Variants in UNC80 observed in about 807,000 individuals in gnomAD.
UNC80 encodes protein unc-80 homolog.
UNC80 carries 164 observed loss-of-function variants against 384.6 expected under a neutral mutation model. The ratio of observed to expected loss-of-function variants is 0.43; its 90% CI spans 0.38 to 0.49. The LOEUF (loss-of-function observed/expected upper bound fraction) is 0.49. UNC80 is among the 20% of genes least tolerant of loss of function. The pLI is 0.00. For missense variants in UNC80, 3,330 were observed against 4,143.0 expected, an observed-to-expected ratio of 0.80 and a Z score of 5.39; for synonymous variants, 1,486 against 1,527.8, an observed-to-expected ratio of 0.97 and a Z score of 0.64.
intron 5 of UNC80, 51 bp downstream of exon 5, chr2:209,786,240 A>G: frequency 6.3e-7 from 1 of 1,578,966 alleles, no homozygotes; most frequent in African/African-American, 1.4e-5. Flanking sequence ...TCCCTCACAC[A>G]CAGTAGTTAG....
At chr2:209,817,181 G>C (rs917671250) in intron 10 of UNC80, 56 bp downstream of exon 10, 1 of 1,479,426 alleles carries the variant, frequency 6.8e-7, no homozygotes, top group Non-Finnish European at 9.2e-7. Flanking sequence ...TTTAGAACTG[G>C]ATCTAGGGCT....
chr2:209,945,617 T>C (rs2091877997), intron 46 of UNC80, among the ~76,000 whole-genome samples: 1 of 152,212 alleles, frequency 6.6e-6, no homozygotes, highest in Admixed American at 6.5e-5. Flanking sequence ...TGAGATTTTT[T>C]TAAACACTCC....
intron 53 of UNC80, 101 bp downstream of exon 53, chr2:209,969,992 A>G: frequency 2.8e-6 from 4 of 1,436,662 alleles, no homozygotes; most frequent in East Asian, 2.5e-5. Flanking sequence ...TTGTGCCCCT[A>G]TCTGCCCATG....
chr2:209,812,726 G>T (rs543827401), intron 7 of UNC80, among the ~76,000 whole-genome samples: 17 of 152,266 alleles, frequency 1.1e-4, no homozygotes, highest in African/African-American at 3.6e-4. Flanking sequence ...CATGTTCAAG[G>T]TGAGAAAGTT....
At chr2:209,965,007 T>C (rs1027431079) in intron 51 of UNC80, among the ~76,000 whole-genome samples, 1 of 152,208 alleles carries the variant, frequency 6.6e-6, no homozygotes, top group Non-Finnish European at 1.5e-5. Flanking sequence ...CTGTGTTGTG[T>C]TTAATTTTTC....
At position 209,839,554 on chromosome 2, in the gene UNC80, C is replaced by T; in HGVS notation, c.3250+124C>T. 1.1e-6 allele frequency: 1 copy of T among 923,294 alleles called. No individual in the cohort carries two copies. Among genetic ancestry groups the T allele is most frequent in the Non-Finnish European group, 1.6e-6 (1 of 617,382 alleles). 57.2% of individuals were successfully genotyped at this position (923,294 alleles called of 1,614,324 possible). A position where few individuals can be genotyped will look rare whatever the true frequency, so the allele number is the denominator to read the frequency against. ...CAAGTCATAAGACCTAGACTGACTTCATTCATTCATTCATTTAATTTTTCC... is the reference window on the plus strand; with the variant it reads ...CAAGTCATAAGACCTAGACTGACTTTATTCATTCATTCATTTAATTTTTCC... On this transcript the variant is annotated intron_variant, in intron 19 of 64. Coordinates refer to ENST00000673920, the MANE Select transcript of UNC80 (RefSeq NM_001371986.1). This position sits in a 1 kb window ranked among gnomAD's most constrained non-coding sequence, Gnocchi z 4.1.
intron 28 of UNC80, among the ~76,000 whole-genome samples, chr2:209,896,822 C>T (rs2086844681): frequency 6.6e-6 from 1 of 152,062 alleles, no homozygotes; most frequent in Non-Finnish European, 1.5e-5. Flanking sequence ...GGGGCAAGGA[C>T]ACTCTAAGAT....
chr2:209,891,034 A>G (rs1156896200), intron 26 of UNC80, among the ~76,000 whole-genome samples: 3 of 152,200 alleles, frequency 2.0e-5, no homozygotes, highest in Non-Finnish European at 4.4e-5. Context: ...GTCAAAAATG[A>G]TTTTATGTGT....
At chr2:209,954,350 T>G (rs969246009) in intron 48 of UNC80, 80 bp downstream of exon 48, 3 of 1,341,482 alleles carry the variant, frequency 2.2e-6, no homozygotes, top group Non-Finnish European at 2.9e-6. Flanking sequence ...AAAAATGTGA[T>G]GGATAAAAAT....
chr2:209,844,605 T>C lies in UNC80; in HGVS notation c.3454+2159T>C, dbSNP rs143512099. Among the ~76,000 whole-genome samples the C allele has an allele frequency of 2.3e-3, 350 of 150,586 alleles. 1 individual carries two copies. Among genetic ancestry groups the C allele is most frequent in the Non-Finnish European group, 4.0e-3 (274 of 67,692 alleles). ...TTCTTTCCTTTCTTCCTTCTTTCTT[T>C]TTGAGACAGGGTCTTCCCCTGTCAC... On this transcript the variant is annotated intron_variant, in intron 21 of 64. Coordinates refer to ENST00000673920, the MANE Select transcript of UNC80 (RefSeq NM_001371986.1).
chr2:209,889,457 G>A (rs1406448788), intron 26 of UNC80, among the ~76,000 whole-genome samples: 1 of 151,940 alleles, frequency 6.6e-6, no homozygotes, highest in African/African-American at 2.4e-5. Context: ...GCCTAATTTG[G>A]TCATTCATGT....
intron 7 of UNC80, among the ~76,000 whole-genome samples, chr2:209,806,817 C>A (rs2078930775): frequency 6.6e-6 from 1 of 152,188 alleles, no homozygotes; most frequent in African/African-American, 2.4e-5. Flanking sequence ...TAGATTTCAT[C>A]TTTAATTACT....
chr2:209,864,733 C>T (rs1344336440), intron 22 of UNC80, among the ~76,000 whole-genome samples: 1 of 152,196 alleles, frequency 6.6e-6, no homozygotes, highest in Non-Finnish European at 1.5e-5. Flanking sequence ...AAAAGCACAG[C>T]CTTGGGCTAT....
intron 28 of UNC80, among the ~76,000 whole-genome samples, chr2:209,903,402 A>AT (rs2087674900): frequency 1.7e-5 from 2 of 120,348 alleles, no homozygotes; most frequent in Non-Finnish European, 3.3e-5. Flanking sequence ...TTATATATAT[A>AT]TTATATATAT....
At chr2:209,806,748 C>G (rs1261444613) in intron 7 of UNC80, among the ~76,000 whole-genome samples, 1 of 152,212 alleles carries the variant, frequency 6.6e-6, no homozygotes, top group Non-Finnish European at 1.5e-5. Flanking sequence ...GTGAACTGCA[C>G]ATCAGTCTTC....
intron 18 of UNC80, among the ~76,000 whole-genome samples, chr2:209,838,222 G>A (rs936211180): frequency 6.6e-6 from 1 of 151,852 alleles, no homozygotes; most frequent in African/African-American, 2.4e-5. Flanking sequence ...CTCCCCACTG[G>A]GAGTATAATA....
At chr2:209,932,698 C>G (rs1245056641) in intron 38 of UNC80, among the ~76,000 whole-genome samples, 3 of 152,218 alleles carry the variant, frequency 2.0e-5, no homozygotes, top group Non-Finnish European at 2.9e-5. Context: ...TCTGCCATCT[C>G]AACCATTATT....
At chr2:209,967,747 T>C (rs1425963470) in intron 52 of UNC80, 110 bp downstream of exon 52, 11 of 1,102,280 alleles carry the variant, frequency 1.0e-5, no homozygotes, top group Admixed American at 2.2e-5. Flanking sequence ...TTGAAAGTTT[T>C]CTTTGGTATA....
intron 35 of UNC80, among the ~76,000 whole-genome samples, chr2:209,925,973 C>T (rs2090402591): frequency 6.6e-6 from 1 of 152,186 alleles, no homozygotes; most frequent in African/African-American, 2.4e-5. Flanking sequence ...TGTATATTTT[C>T]ATATTAATAA....
Sources: allele counts gnomAD v4.1 joint callset (sites outside exome capture counted in the v4.1 genomes callset), GRCh38; gene constraint gnomAD v4.1.1; non-coding constraint Gnocchi (gnomAD v3.1); transcripts MANE v1.5; gene names NCBI Gene and HGNC (gene_info 2026-07-23, HGNC 2026-07-21).